Variants in DIP2C observed in about 807,000 individuals in gnomAD.
DIP2C encodes DIP2 acetate--CoA ligase C (putative), also known as disco-interacting protein 2 homolog C.
In DIP2C, 33 loss-of-function variants were observed where a neutral mutation model predicts 192.4. That is an observed-to-expected ratio of 0.17 (90% confidence interval 0.13 to 0.23). The LOEUF (loss-of-function observed/expected upper bound fraction) is 0.23, where lower values mean the gene tolerates loss of function less well. Among genes scored for constraint, DIP2C ranks in the 10% least tolerant of loss-of-function variants. The probability of loss-of-function intolerance (pLI) is 1.00; values close to 1 mark genes in which losing one functional copy is unlikely to be tolerated. For synonymous variants in DIP2C, 979 were observed against 864.1 expected, an observed-to-expected ratio of 1.13 and a Z score of -2.33; for missense variants, 1,537 against 2,110.1, an observed-to-expected ratio of 0.73 and a Z score of 5.32.
rs565830445 is a variant in DIP2C at position 577,394 on chromosome 10, C to A, written c.86-90864G>T. Among the ~76,000 whole-genome samples, 3 of 152,284 alleles carry A rather than the reference C, an allele frequency of 2.0e-5. No homozygotes were observed. In the East Asian group the frequency reaches 5.8e-4, roughly 29 times the overall value. On this transcript the variant is annotated intron_variant, in intron 1 of 36. Transcript: ENST00000280886. ...GAAATTAGTCACGTTTAAGTCAGTA[C>A]CCTTTCTATGTGGCCGTAACAGTTT... is the stretch of plus-strand genomic sequence containing the variant.
At chr10:578,299 G>A (rs1474174152) in intron 1 of DIP2C, among the ~76,000 whole-genome samples, 4 of 152,200 alleles carry the variant, frequency 2.6e-5, no homozygotes, top group Middle Eastern at 3.2e-3. Context: ...ACACAAGGCA[G>A]TAAATACTCC....
intron 24 of DIP2C, 97 bp from the exon 25 acceptor site, chr10:349,551 T>G: frequency 6.7e-7 from 1 of 1,484,204 alleles, no homozygotes. Flanking sequence ...GCGCAAAGCA[T>G]ACATCACTGG....
chr10:614,556 A>C lies in DIP2C; in HGVS notation c.85+74938T>G, dbSNP rs531268870. 6.6e-4 allele frequency among the ~76,000 whole-genome samples: 101 copies of C among 152,314 alleles called. No individual in the cohort carries two copies. In the Middle Eastern group the frequency reaches 0.01, roughly 15 times the overall value. On this transcript the variant is annotated intron_variant, in intron 1 of 36. Transcript: ENST00000280886. ...ACCACAGGCACAGCCGTGCAAGAGA[A>C]CTGCCTGCTGAACTGGAAACGTCCC...
At chr10:405,391 TTAA>T (rs1821782224) in intron 9 of DIP2C, among the ~76,000 whole-genome samples, 1 of 152,186 alleles carries the variant, frequency 6.6e-6, no homozygotes, top group South Asian at 2.1e-4. Context: ...TATAACAAAG[TTAA>T]TAAAAGCAGA....
At chr10:510,554 G>A (rs896555862) in intron 1 of DIP2C, among the ~76,000 whole-genome samples, 14 of 152,352 alleles carry the variant, frequency 9.2e-5, no homozygotes, top group Middle Eastern at 3.4e-3. Flanking sequence ...CTGGGCAGCC[G>A]CACAGTGAAA....
intron 1 of DIP2C, among the ~76,000 whole-genome samples, chr10:656,751 A>G (rs1000717633): frequency 5.9e-5 from 9 of 152,178 alleles, no homozygotes; most frequent in Non-Finnish European, 1.3e-4. Context: ...ACAGGAAGAC[A>G]GACGGCTGTC....
At chr10:432,969 G>A (rs1966888521) in intron 4 of DIP2C, among the ~76,000 whole-genome samples, 1 of 151,988 alleles carries the variant, frequency 6.6e-6, no homozygotes. Flanking sequence ...ACTTCATTGT[G>A]GTTGAGAACA....
chr10:419,661 A>G (rs1320380176), intron 5 of DIP2C, among the ~76,000 whole-genome samples: 4 of 152,162 alleles, frequency 2.6e-5, no homozygotes, highest in African/African-American at 7.2e-5. Context: ...TGGGAACAGT[A>G]ATGGCCATGA....
At chr10:563,294 T>G (rs1202918894) in intron 1 of DIP2C, among the ~76,000 whole-genome samples, 2 of 152,224 alleles carry the variant, frequency 1.3e-5, no homozygotes, top group Non-Finnish European at 2.9e-5. Context: ...TCATAATGAC[T>G]GAAAGCAGCA....
chr10:502,026 G>C (rs936324524), intron 1 of DIP2C, among the ~76,000 whole-genome samples: 4 of 152,080 alleles, frequency 2.6e-5, no homozygotes, highest in Admixed American at 1.3e-4. Context: ...TGCACCTGTA[G>C]TCTCAGTTAC....
In DIP2C at chr10:390,859, G is replaced by A. The variant is rs1963404146; in HGVS notation, c.1265C>T (p.Ala422Val). 5 of 1,613,944 alleles carry A rather than the reference G, an allele frequency of 3.1e-6. No homozygotes were observed. The highest frequency in any genetic ancestry group is 4.2e-6 in the Non-Finnish European group (5 of 1,179,962). The change falls in exon 11 of 37, where the codon GCA (alanine) becomes GTA (valine). Residue 422 changes from alanine to valine, a missense_variant. Coordinates refer to ENST00000280886, the MANE Select transcript of DIP2C (RefSeq NM_014974.3). ...CAAGAAACCTATCTGCTGGCTCCCT[G>A]CGTCCTGAGAGGGCAACAGAGAGGA... ...PIEVPLTRKD[A>V]GSQQIGFLLG... is the part of the protein sequence containing the mutation.
chr10:418,638 C>T (rs529865970), intron 6 of DIP2C, among the ~76,000 whole-genome samples: 2 of 152,210 alleles, frequency 1.3e-5, no homozygotes, highest in South Asian at 4.1e-4. Flanking sequence ...GACCCTCTTT[C>T]CTCCAAAGTC....
chr10:512,620 T>A (rs1289388563), intron 1 of DIP2C, among the ~76,000 whole-genome samples: 1 of 151,126 alleles, frequency 6.6e-6, no homozygotes, highest in Non-Finnish European at 1.5e-5. Context: ...TATACATCAT[T>A]ATAGAAAGGA....
rs114496014 is a variant in DIP2C, at chr10:496,640, G to A, written c.86-10110C>T. Among the ~76,000 whole-genome samples, 510 of 139,074 alleles carry A rather than the reference G, an allele frequency of 3.7e-3. 2 individuals carry two copies. Among genetic ancestry groups the A allele is most frequent in the African/African-American group, 0.013 (483 of 36,616 alleles). The allele number at this position is 139,074 out of a possible 152,430, so 91.2% of individuals were successfully genotyped here. ...ACCCCAAACAACATGAGTGCTGAGTGCACAGAACCCACAGTGACCTCCCGT... is the reference window on the plus strand; with the variant it reads ...ACCCCAAACAACATGAGTGCTGAGTACACAGAACCCACAGTGACCTCCCGT... On this transcript the variant is annotated intron_variant, in intron 1 of 36. Coordinates refer to ENST00000280886, the MANE Select transcript of DIP2C (RefSeq NM_014974.3).
At chr10:502,411 G>A (rs149471448) in intron 1 of DIP2C, among the ~76,000 whole-genome samples, 38 of 152,302 alleles carry the variant, frequency 2.5e-4, no homozygotes, top group African/African-American at 5.5e-4. Flanking sequence ...CCAAAATAAT[G>A]ATGGGAAGTA....
intron 3 of DIP2C, among the ~76,000 whole-genome samples, chr10:457,933 G>A (rs550715971): frequency 3.9e-5 from 6 of 152,144 alleles, no homozygotes; most frequent in Non-Finnish European, 7.3e-5. Flanking sequence ...CCACAGCTGC[G>A]GCCCCAGAGC....
At chr10:626,329 T>C (rs1048193631) in intron 1 of DIP2C, among the ~76,000 whole-genome samples, 4 of 152,156 alleles carry the variant, frequency 2.6e-5, no homozygotes, top group African/African-American at 4.8e-5. Context: ...CTGGGGCTCC[T>C]GGGGACAGAA....
chr10:477,754 GGA>G (rs949217411), intron 2 of DIP2C, among the ~76,000 whole-genome samples: 5 of 100,526 alleles, frequency 5.0e-5, no homozygotes, highest in East Asian at 4.8e-4. Flanking sequence ...AGAAAGAAAA[GGA>G]GAGAGAAGAA....
At chr10:434,637 T>C (rs1386904712) in intron 4 of DIP2C, among the ~76,000 whole-genome samples, 1 of 152,220 alleles carries the variant, frequency 6.6e-6, no homozygotes, top group East Asian at 1.9e-4. Context: ...TAAAGAACTA[T>C]GAACACTTTT....
Sources: allele counts gnomAD v4.1 joint callset (sites outside exome capture counted in the v4.1 genomes callset), GRCh38; gene constraint gnomAD v4.1.1; transcripts MANE v1.5; gene names NCBI Gene and HGNC (gene_info 2026-07-23, HGNC 2026-07-21).